Variants in NDUFB3 observed in about 807,000 individuals in gnomAD.
NDUFB3 encodes the protein NADH dehydrogenase [ubiquinone] 1 beta subcomplex subunit 3.
In NDUFB3, 7 loss-of-function variants were observed where a neutral mutation model predicts 9.0. The ratio of observed to expected loss-of-function variants is 0.78; its 90% CI spans 0.44 to 1.46. The LOEUF (loss-of-function observed/expected upper bound fraction) is 1.46, where lower values mean the gene tolerates loss of function less well. Among genes scored for constraint, NDUFB3 ranks in the 40% most tolerant of loss-of-function variants. The pLI is 0.01. For synonymous variants in NDUFB3, 29 were observed against 38.5 expected, an observed-to-expected ratio of 0.75 and a Z score of 0.91; for missense variants, 93 against 115.4, an observed-to-expected ratio of 0.81 and a Z score of 0.89.
intron 1 of NDUFB3, among the ~76,000 whole-genome samples, chr2:201,074,963 G>C (rs1362826623): frequency 1.3e-5 from 2 of 152,126 alleles, no homozygotes; most frequent in Non-Finnish European, 2.9e-5. Flanking sequence ...ACTTTTACTA[G>C]TGCAAAGTAG....
intron 2 of NDUFB3, among the ~76,000 whole-genome samples, chr2:201,080,950 G>A (rs1365626408): frequency 1.3e-5 from 2 of 151,330 alleles, no homozygotes; most frequent in Non-Finnish European, 2.9e-5. Context: ...TGATCCACCC[G>A]CCTCAGCCTC....
At chr2:201,078,811 A>C (rs1172534265) in intron 1 of NDUFB3, 70 bp from the exon 2 acceptor site, 1 of 1,425,216 alleles carries the variant, frequency 7.0e-7, no homozygotes, top group East Asian at 2.4e-5. Context: ...TTAAAACATA[A>C]ACAATAAATT....
At chr2:201,083,182 G>A (rs2047249081) in intron 2 of NDUFB3, among the ~76,000 whole-genome samples, 1 of 152,030 alleles carries the variant, frequency 6.6e-6, no homozygotes. Flanking sequence ...CTACTATAAT[G>A]TTGAATGAAA....
intron 2 of NDUFB3, chr2:201,079,837 T>C (rs917311910): frequency 1.3e-5 from 2 of 152,186 alleles, no homozygotes; most frequent in African/African-American, 2.4e-5. Context: ...GATAAAAGTT[T>C]TGTGGTGCTT....
chr2:201,075,565 CA>C (rs771947770), intron 1 of NDUFB3, among the ~76,000 whole-genome samples: 802 of 48,036 alleles, frequency 0.017, no homozygotes, highest in Middle Eastern at 0.029. Flanking sequence ...GACTCTGTCT[CA>C]AAAAAAAAAA....
intron 1 of NDUFB3, among the ~76,000 whole-genome samples, chr2:201,075,623 C>G (rs970414228): frequency 6.7e-6 from 1 of 148,302 alleles, no homozygotes; most frequent in Admixed American, 6.7e-5. Context: ...AAGGATACTT[C>G]TGAAATAATT....
intron 1 of NDUFB3, among the ~76,000 whole-genome samples, chr2:201,074,667 G>A (rs13422568): frequency 0.17 from 25,801 of 151,902 alleles, 2,395 homozygotes; most frequent in African/African-American, 0.21. Context: ...ATGTTGGCCA[G>A]GCTGGTCTCA....
At chr2:201,077,240 AG>A (rs1485056334) in intron 1 of NDUFB3, among the ~76,000 whole-genome samples, 2 of 152,184 alleles carry the variant, frequency 1.3e-5, no homozygotes, top group Non-Finnish European at 2.9e-5. Context: ...CCAAGTAATT[AG>A]AAAAATAAAA....
At chr2:201,075,946 AG>A (rs1426116152) in intron 1 of NDUFB3, among the ~76,000 whole-genome samples, 1 of 152,238 alleles carries the variant, frequency 6.6e-6, no homozygotes, top group Admixed American at 6.5e-5. Context: ...TTTAAAATGA[AG>A]CCTTATTTTA....
intron 1 of NDUFB3, among the ~76,000 whole-genome samples, chr2:201,073,755 A>G (rs1352506854): frequency 6.1e-4 from 92 of 151,840 alleles, no homozygotes; most frequent in Admixed American, 6.0e-3. Flanking sequence ...CTGGCGACAG[A>G]GTGATACTCC....
intron 2 of NDUFB3, among the ~76,000 whole-genome samples, chr2:201,083,142 T>C (rs1231198785): frequency 1.3e-5 from 2 of 152,198 alleles, no homozygotes; most frequent in Admixed American, 1.3e-4. Flanking sequence ...TTTATTTCTT[T>C]TTCTTGCATT....
intron 1 of NDUFB3, among the ~76,000 whole-genome samples, chr2:201,075,202 G>C (rs992832746): frequency 6.8e-6 from 1 of 147,892 alleles, no homozygotes; most frequent in African/African-American, 2.5e-5. Flanking sequence ...AAAAGAAAAA[G>C]AAAAAAGAAA....
intron 2 of NDUFB3, among the ~76,000 whole-genome samples, chr2:201,082,800 G>A (rs1197159678): frequency 2.2e-5 from 3 of 136,972 alleles, no homozygotes; most frequent in Non-Finnish European, 4.6e-5. Flanking sequence ...TGCAAGCTCC[G>A]CTTCCCGGGT....
chr2:201,075,007 T>A (rs1346619501), intron 1 of NDUFB3, among the ~76,000 whole-genome samples: 2 of 152,124 alleles, frequency 1.3e-5, no homozygotes, highest in Non-Finnish European at 2.9e-5. Flanking sequence ...CAGGTCACGA[T>A]ATCATTGTTT....
chr2:201,072,420 A>G (rs1171488744), intron 1 of NDUFB3: 2 of 152,244 alleles, frequency 1.3e-5, no homozygotes, highest in African/African-American at 2.4e-5. Context: ...AGTTTTTAAT[A>G]CGAGGAAGTT....
Position 201,074,449 on chromosome 2 carries a change from T to C in NDUFB3, c.-3+2390T>C, listed in dbSNP as rs894251964. On this transcript the variant is annotated intron_variant, in intron 1 of 2. Coordinates refer to ENST00000237889, the MANE Select transcript of NDUFB3 (RefSeq NM_002491.3). ...TTGATGGCCATAAGGTATTCATATG[T>C]TCAGCTTTTTTTTTTTTTTTTTTTT... 2.0e-5 allele frequency among the ~76,000 whole-genome samples: 3 copies of C among 147,952 alleles called. No homozygotes were observed. The East Asian group carries it at 5.8e-4, about 29-fold the overall frequency.
At chr2:201,081,058 A>T (rs968759189) in intron 2 of NDUFB3, among the ~76,000 whole-genome samples, 8 of 152,096 alleles carry the variant, frequency 5.3e-5, no homozygotes, top group African/African-American at 1.9e-4. Flanking sequence ...TTGCTTTTAC[A>T]TATAAACTTT....
intron 1 of NDUFB3, among the ~76,000 whole-genome samples, chr2:201,078,279 G>A (rs1292709356): frequency 6.6e-6 from 1 of 152,014 alleles, no homozygotes; most frequent in Non-Finnish European, 1.5e-5. Context: ...TCCAGCCTGA[G>A]CGACAGAGCG....
chr2:201,083,832 G>A (rs2047260023), intron 2 of NDUFB3, among the ~76,000 whole-genome samples: 1 of 152,074 alleles, frequency 6.6e-6, no homozygotes, highest in Admixed American at 6.6e-5. Context: ...ATTTTTATAT[G>A]CTGTCGGATT....
Sources: allele counts gnomAD v4.1 joint callset (sites outside exome capture counted in the v4.1 genomes callset), GRCh38; gene constraint gnomAD v4.1.1; transcripts MANE v1.5; gene names NCBI Gene and HGNC (gene_info 2026-07-23, HGNC 2026-07-21).